The following PXMP4 variants were observed in gnomAD, a reference collection of about 807,000 sequenced individuals.
PXMP4 encodes the protein 24 kDa peroxisomal intrinsic membrane protein.
PXMP4 carries 16 observed loss-of-function variants against 21.6 expected under a neutral mutation model. That is an observed-to-expected ratio of 0.74 (90% confidence interval 0.50 to 1.13). The LOEUF is 1.13. PXMP4 is among the 50% of genes most tolerant of loss of function. PXMP4 has a pLI of 0.00. For synonymous variants in PXMP4, 127 were observed against 123.8 expected (o/e 1.03, Z -0.17); for missense variants, 240 against 277.7 (o/e 0.86, Z 0.96).
At chr20:33,709,892 C>T (rs1279955508) in intron 3 of PXMP4, among the ~76,000 whole-genome samples, 1 of 140,530 alleles carries the variant, frequency 7.1e-6, no homozygotes, top group African/African-American at 2.7e-5. Context: ...CCCACTCCCA[C>T]CTCCACACTG....
chr20:33,718,002 C>G (rs928479882), intron 1 of PXMP4, among the ~76,000 whole-genome samples: 1 of 152,104 alleles, frequency 6.6e-6, no homozygotes, highest in Non-Finnish European at 1.5e-5. Flanking sequence ...ATATTAGTGT[C>G]TCTTCTTTTC....
chr20:33,707,698 G>A lies in PXMP4; in HGVS notation c.*8C>T. 1.2e-6 allele frequency: 2 copies of A among 1,613,082 alleles called. No homozygotes were observed. The highest frequency in any genetic ancestry group is 1.7e-6 in the Non-Finnish European group (2 of 1,179,486). On this transcript the variant is annotated 3_prime_UTR_variant, in exon 4 of 4. Coordinates refer to ENST00000409299, the MANE Select transcript of PXMP4 (RefSeq NM_007238.5). ...TCTTGAGCCACAGCCAGACACCTCA[G>A]GGCTGCATTAATTGGAGGGACGGCT...
rs180675174 is a variant in PXMP4 at position 33,704,809 on chromosome 20, G to A, written c.*2897C>T. On this transcript the variant is annotated 3_prime_UTR_variant, in exon 4 of 4. Transcript: ENST00000409299. ...CCCACCCCAGCTCACTGAATCAGAA[G>A]CTGCATTTTAATAAGGTCTCCAGTG... 6 of 152,242 alleles carry A rather than the reference G, an allele frequency of 3.9e-5. 1 individual carries two copies. The highest frequency in any genetic ancestry group is 5.9e-5 in the Non-Finnish European group (4 of 68,042). The allele number at this position is 152,242 out of a possible 1,614,324, so 9.4% of individuals were successfully genotyped here.
chr20:33,703,212 C>A lies in PXMP4; in HGVS notation c.*4494G>T. 1 of 152,376 alleles carries A rather than the reference C, an allele frequency of 6.6e-6. No homozygotes were observed. The highest frequency in any genetic ancestry group is 1.5e-5 in the Non-Finnish European group (1 of 68,042). The allele number at this position is 152,376 out of a possible 1,614,324, so 9.4% of individuals were successfully genotyped here. On this transcript the variant is annotated 3_prime_UTR_variant, in exon 4 of 4. Transcript: ENST00000409299. ...GTTTCACCTTCAGCTGGGGGCAGGA[C>A]AGGCTAAAAGCAGGGTGTGCTCAGT...
At chr20:33,719,978 A>G in intron 1 of PXMP4, 117 bp downstream of exon 1, 1 of 960,964 alleles carries the variant, frequency 1.0e-6, no homozygotes, top group East Asian at 2.6e-5. Flanking sequence ...CGAGACTTAG[A>G]GACACACGAG....
At chr20:33,707,996 C>A (rs1419031695) in intron 3 of PXMP4, 27 bp from the exon 4 acceptor site, 1 of 1,600,806 alleles carries the variant, frequency 6.2e-7, no homozygotes, top group Non-Finnish European at 8.5e-7. Context: ...ATGGGAATTA[C>A]TGGTGATCAA....
chr20:33,708,763 T>C (rs2018291572), intron 3 of PXMP4, among the ~76,000 whole-genome samples: 1 of 151,850 alleles, frequency 6.6e-6, no homozygotes, highest in South Asian at 2.1e-4. Context: ...CGATCTTGGC[T>C]CACTGCAACC....
Position 33,707,954 on chromosome 20 carries a change from A to G in PXMP4, c.391T>C (p.Leu131=). ...CTCAGGGCAAACAGGACGCGTGACA[A>G]CAGGTACATGTTGATCTGCAAAGAG... ...NINSQINMYL[L]SRVLFALSRL... is the part of the protein sequence containing the mutation. The change falls in exon 4 of 4, where the codon TTG becomes CTG. Residue 131 remains leucine (L), a synonymous_variant. Coordinates refer to ENST00000409299, the MANE Select transcript of PXMP4 (RefSeq NM_007238.5). 6.2e-7 allele frequency: 1 copy of G among 1,613,988 alleles called. No individual in the cohort carries two copies. The highest frequency in any genetic ancestry group is 1.3e-5 in the African/African-American group (1 of 75,066).
rs2122572114 is a variant in PXMP4 at position 33,703,353 on chromosome 20, T to C, written c.*4353A>G. The C allele has an allele frequency of 6.6e-6, 1 of 152,332 alleles. No individual in the cohort carries two copies. The highest frequency in any genetic ancestry group is 2.1e-4 in the South Asian group (1 of 4,826). 9.4% of individuals were successfully genotyped at this position (152,332 alleles called of 1,614,324 possible). On this transcript the variant is annotated 3_prime_UTR_variant, in exon 4 of 4. Transcript: ENST00000409299. ...CCTCCACACCACTCGATGAGGTGTG[T>C]GCTACGACAACGCCTACTTTATCAA...
rs1293367497 is a variant in PXMP4, at chr20:33,703,725, G to T, written c.*3981C>A. On this transcript the variant is annotated 3_prime_UTR_variant, in exon 4 of 4. Coordinates refer to ENST00000409299, the MANE Select transcript of PXMP4 (RefSeq NM_007238.5). ...GAGTTATCCCACCCGAGGGGTGAGG[G>T]ATGCGGGCTGTGGGAGTGGGGGTAT... 6.6e-6 allele frequency: 1 copy of T among 152,438 alleles called. No homozygotes were observed. Among genetic ancestry groups the T allele is most frequent in the African/African-American group, 2.4e-5 (1 of 41,456 alleles). 9.4% of individuals were successfully genotyped at this position (152,438 alleles called of 1,614,324 possible).
chr20:33,714,776 T>C, intron 1 of PXMP4, 40 bp from the exon 2 acceptor site: 2 of 1,595,864 alleles, frequency 1.3e-6, no homozygotes, highest in Non-Finnish European at 8.6e-7. Flanking sequence ...AATGTCACTG[T>C]GTCGCACTTT....
chr20:33,712,918 T>C (rs776172679), intron 2 of PXMP4, among the ~76,000 whole-genome samples: 12 of 152,208 alleles, frequency 7.9e-5, no homozygotes, highest in Non-Finnish European at 1.6e-4. Context: ...CATGAGCCAC[T>C]GTGCCCAACC....
chr20:33,714,038 C>T (rs951199537), intron 2 of PXMP4, among the ~76,000 whole-genome samples: 14 of 152,276 alleles, frequency 9.2e-5, no homozygotes, highest in Non-Finnish European at 1.6e-4. Flanking sequence ...GGGGGTGCTG[C>T]GTGAGCAGAT....
At chr20:33,719,521 A>G (rs778631551) in intron 1 of PXMP4, among the ~76,000 whole-genome samples, 1 of 152,234 alleles carries the variant, frequency 6.6e-6, no homozygotes, top group Non-Finnish European at 1.5e-5. Flanking sequence ...GGCACCAGCC[A>G]GGGCAATGAC....
At chr20:33,712,487 T>C (rs1388676379) in intron 2 of PXMP4, among the ~76,000 whole-genome samples, 1 of 152,112 alleles carries the variant, frequency 6.6e-6, no homozygotes, top group Non-Finnish European at 1.5e-5. Flanking sequence ...TCTAGCTCTG[T>C]TGCCCAGGCT....
chr20:33,710,514 C>A, intron 3 of PXMP4, 41 bp downstream of exon 3: 1 of 1,279,128 alleles, frequency 7.8e-7, no homozygotes, highest in Non-Finnish European at 1.1e-6. Flanking sequence ...CTGTGCTGAA[C>A]CACGCCCCCT....
Position 33,720,084 on chromosome 20 carries a change from G to A in PXMP4, c.113+11C>T. ...CCCTCAGCCCCAGCCCGGCCCGACG[G>A]CCCCACTCACACAGCCCCGTTCCGG... On this transcript the variant is annotated intron_variant, in intron 1 of 3. Coordinates refer to ENST00000409299, the MANE Select transcript of PXMP4 (RefSeq NM_007238.5). The A allele has an allele frequency of 6.2e-7, 1 of 1,612,136 alleles. No individual in the cohort carries two copies. The highest frequency in any genetic ancestry group is 1.1e-5 in the South Asian group (1 of 91,022).
chr20:33,717,416 G>A (rs1325674776), intron 1 of PXMP4, among the ~76,000 whole-genome samples: 2 of 151,102 alleles, frequency 1.3e-5, no homozygotes, highest in Non-Finnish European at 3.0e-5. Flanking sequence ...CGAGGCGGGC[G>A]GATCACGAGG....
rs2018267816 is a variant in PXMP4, at chr20:33,707,345, G to C, written c.*361C>G. The C allele has an allele frequency of 5.0e-6, 1 of 200,334 alleles. No individual in the cohort carries two copies. The highest frequency in any genetic ancestry group is 1.2e-4 in the South Asian group (1 of 8,540). 12.4% of individuals were successfully genotyped at this position (200,334 alleles called of 1,614,324 possible). ...ACAACCCACTGCCCACCAGCAAGGA[G>C]CCCTCTGTGACATAAGAACAGTTGA... is the stretch of plus-strand genomic sequence containing the variant. On this transcript the variant is annotated 3_prime_UTR_variant, in exon 4 of 4. Transcript: ENST00000409299.
Sources: gnomAD v4.1 joint callset for allele counts (sites outside exome capture counted in the v4.1 genomes callset) on GRCh38, gnomAD v4.1.1 for gene constraint, MANE v1.5 for transcripts, NCBI Gene and HGNC (gene_info 2026-07-23, HGNC 2026-07-21) for gene names.